Variants in TARS3 observed in about 807,000 individuals in gnomAD.
The protein encoded by TARS3 is threonyl-tRNA synthetase 3.
In TARS3, 94 loss-of-function variants were observed where a neutral mutation model predicts 103.5. That is an observed-to-expected ratio of 0.91 (90% CI 0.77 to 1.08). The LOEUF (loss-of-function observed/expected upper bound fraction) is 1.08, where lower values mean the gene tolerates loss of function less well. TARS3 is among the 50% of genes least tolerant of loss of function. The pLI is 0.00. For missense variants in TARS3, 952 were observed against 995.2 expected, an observed-to-expected ratio of 0.96 and a Z score of 0.58; for synonymous variants, 416 against 355.4, an observed-to-expected ratio of 1.17 and a Z score of -1.92.
intron 16 of TARS3, 88 bp downstream of exon 16, chr15:101,661,624 G>A (rs1205070229): frequency 1.5e-5 from 13 of 838,750 alleles, no homozygotes; most frequent in East Asian, 3.1e-5. Flanking sequence ...TTTAAGAATA[G>A]AAATATTTTT....
At chr15:101,715,566 T>C (rs1183332383) in intron 3 of TARS3, among the ~76,000 whole-genome samples, 2 of 152,224 alleles carry the variant, frequency 1.3e-5, no homozygotes, top group Non-Finnish European at 2.9e-5. Flanking sequence ...TCCAGTGGTT[T>C]TTCTACCTCC....
chr15:101,684,059 CTG>C lies in TARS3; in HGVS notation c.1650+14_1650+15del. ...CAATTTGTGACCACACTGCTTCACT[CTG>C]TGTTATTGTTTACCTGCTCCACTGT... On this transcript the variant is annotated intron_variant, in intron 12 of 18. Coordinates refer to ENST00000335968, the MANE Select transcript of TARS3 (RefSeq NM_152334.3). The C allele has an allele frequency of 5.6e-6, 9 of 1,606,626 alleles. No individual in the cohort carries two copies. Among genetic ancestry groups the C allele is most frequent in the Non-Finnish European group, 7.7e-6 (9 of 1,175,648 alleles).
intron 7 of TARS3, 49 bp from the exon 8 acceptor site, chr15:101,703,986 G>T: frequency 1.5e-6 from 2 of 1,346,468 alleles, no homozygotes; most frequent in Non-Finnish European, 2.1e-6. Flanking sequence ...CAGTGTTCTG[G>T]ACTATTCATT....
chr15:101,716,026 CTT>C (rs11464619), intron 3 of TARS3, among the ~76,000 whole-genome samples: 1 of 147,800 alleles, frequency 6.8e-6, no homozygotes. Flanking sequence ...TGCCTATTTT[CTT>C]TTTTTTTTTG....
Position 101,701,181 on chromosome 15 carries a change from G to C in TARS3, c.1225C>G (p.Gln409Glu), listed in dbSNP as rs371721317. 3.4e-5 allele frequency: 54 copies of C among 1,586,428 alleles called. No homozygotes were observed. In the African/African-American group the frequency reaches 5.7e-4, roughly 17 times the overall value. Reference protein sequence around the residue: ...NRDHRKIGKEQELFFFHDLSP... With the variant: ...NRDHRKIGKEEELFFFHDLSP... ...AAATCGTGGAAAAAGAAAAGTTCTT[G>C]TTCCTAGATTGAAACAAAAATTGCA... The change falls in exon 10 of 19, where the codon CAA (glutamine) becomes GAA (glutamate). Residue 409 changes from glutamine (Q) to glutamate (E), a missense_variant. Physicochemically the swap from Gln to Glu is conservative, Grantham distance 29. This residue lies in a region of TARS3 where 540 missense variants were observed against 631.0 expected (regional missense o/e 0.86). Transcript: ENST00000335968.
At chr15:101,661,169 ATTCTGCACTTT>A (rs1356409932) in intron 16 of TARS3, among the ~76,000 whole-genome samples, 6 of 151,990 alleles carry the variant, frequency 3.9e-5, no homozygotes, top group East Asian at 1.9e-4. Context: ...ACCACTCAAA[ATTCTGCACTTT>A]AGGACACTTC....
chr15:101,702,703 G>A (rs902715470), intron 8 of TARS3, among the ~76,000 whole-genome samples: 1 of 152,212 alleles, frequency 6.6e-6, no homozygotes, highest in African/African-American at 2.4e-5. Flanking sequence ...CCAGGAGGTC[G>A]AGGCTGCAGT....
chr15:101,670,047 A>T (rs1247063208), intron 15 of TARS3, among the ~76,000 whole-genome samples: 1 of 152,272 alleles, frequency 6.6e-6, no homozygotes. Context: ...ATCAGATCTT[A>T]GAACTAGAAA....
chr15:101,671,708 T>C lies in TARS3; in HGVS notation c.1829A>G (p.Lys610Arg). 6.2e-7 allele frequency: 1 copy of C among 1,614,162 alleles called. No homozygotes were observed. Among genetic ancestry groups the C allele is most frequent in the Non-Finnish European group, 8.5e-7 (1 of 1,180,016 alleles). ...NSLMDFGEPW[K>R]MNPGDGAFYG... The stretch of plus-strand genomic sequence containing the variant: ...AAATGCTCCATCTCCTGGGTTCATT[T>C]TCCACGGTTCTCCAAAGTCCATCAA... The change falls in exon 14 of 19, where the codon AAA (lysine) becomes AGA (arginine). Residue 610 changes from lysine to arginine, a missense_variant. Physicochemically the swap from Lys to Arg is conservative, Grantham distance 26 (BLOSUM62 2). This residue lies in a region of TARS3 where 540 missense variants were observed against 631.0 expected (regional missense o/e 0.86). Transcript: ENST00000335968.
chr15:101,657,837 C>G lies in TARS3; in HGVS notation c.2093G>C (p.Arg698Pro), dbSNP rs763895741. 1 of 1,606,748 alleles carries G rather than the reference C, an allele frequency of 6.2e-7. No individual in the cohort carries two copies. Among genetic ancestry groups the G allele is most frequent in the Non-Finnish European group, 8.5e-7 (1 of 1,176,006 alleles). ...GGKWPFWLSP[R>P]QVMVIPVGPT... Reference sequence around the variant, plus strand: ...CCCCACAGGGATGACCATCACCTGACGAGGAGATAGCCAGAAAGGCCTGAA... The same window carrying G: ...CCCCACAGGGATGACCATCACCTGAGGAGGAGATAGCCAGAAAGGCCTGAA... The change falls in exon 17 of 19, where the codon CGT (arginine) becomes CCT (proline). Residue 698 changes from arginine (R) to proline (P), a missense_variant. Coordinates refer to ENST00000335968, the MANE Select transcript of TARS3 (RefSeq NM_152334.3).
rs534397639 is a variant in TARS3, at chr15:101,689,380, A to G, written c.1321-3318T>C. 2.0e-4 allele frequency among the ~76,000 whole-genome samples: 31 copies of G among 152,320 alleles called. No homozygotes were observed. In the East Asian group the frequency reaches 5.4e-3, roughly 27 times the overall value. On this transcript the variant is annotated intron_variant, in intron 10 of 18. Transcript: ENST00000335968. ...TTATTGGTTTAACTGTATTCTCCAAATAAGATATTTTGAAGTCCTAACTCC... is the reference window on the plus strand; with the variant it reads ...TTATTGGTTTAACTGTATTCTCCAAGTAAGATATTTTGAAGTCCTAACTCC...
rs34335030 is a variant in TARS3, at chr15:101,677,984, A to ATTT, written c.1651-2250_1651-2248dup. ...TGGGACTTCTTTTTTTTTGGGGGTC[A>ATTT]TTTTTTTTTTTTTTTTGAGATGGAG... On this transcript the variant is annotated intron_variant, in intron 12 of 18. Transcript: ENST00000335968. Among the ~76,000 whole-genome samples the ATTT allele has an allele frequency of 2.8e-3, 371 of 132,440 alleles. 4 individuals are homozygous for ATTT. Among genetic ancestry groups the ATTT allele is most frequent in the African/African-American group, 9.6e-3 (348 of 36,112 alleles). 86.9% of individuals were successfully genotyped at this position (132,440 alleles called of 152,430 possible).
intron 11 of TARS3, among the ~76,000 whole-genome samples, chr15:101,684,984 T>C (rs947648810): frequency 3.9e-5 from 6 of 152,366 alleles, no homozygotes; most frequent in African/African-American, 4.8e-5. Context: ...AACACTAGCA[T>C]AGCTTCTACC....
chr15:101,707,185 A>G (rs1899611393), intron 6 of TARS3, among the ~76,000 whole-genome samples: 1 of 152,186 alleles, frequency 6.6e-6, no homozygotes, highest in African/African-American at 2.4e-5. Flanking sequence ...AAAAAACAAA[A>G]CAAGTGTTGG....
At chr15:101,696,210 CAAAAAAAAAAAAAAAAAAA>C (rs57512244) in intron 10 of TARS3, among the ~76,000 whole-genome samples, 2 of 81,758 alleles carry the variant, frequency 2.4e-5, no homozygotes, top group South Asian at 4.1e-4. Context: ...GACTTTGTCT[CAAAAAAAAAAAAAAAAAAA>C]AAAAAAAAAA....
In TARS3 at chr15:101,724,449, G is replaced by A. The variant is rs1900675980; in HGVS notation, c.-62C>T. ...CCCGCGACTGCGGCGAGGGCGACGC[G>A]GACACTCAGCGCACGGCAGAAGACA... is the stretch of plus-strand genomic sequence containing the variant. On this transcript the variant is annotated 5_prime_UTR_variant, in exon 1 of 19. Transcript: ENST00000335968. 5.2e-6 allele frequency: 7 copies of A among 1,354,490 alleles called. No individual in the cohort carries two copies. The highest frequency in any genetic ancestry group is 6.6e-6 in the Non-Finnish European group (7 of 1,061,062). 83.9% of individuals were successfully genotyped at this position (1,354,490 alleles called of 1,614,324 possible).
At chr15:101,658,575 G>A (rs928953584) in intron 16 of TARS3, among the ~76,000 whole-genome samples, 1 of 152,114 alleles carries the variant, frequency 6.6e-6, no homozygotes, top group Admixed American at 6.5e-5. Flanking sequence ...TACAAGTGAT[G>A]GACTGTCCTG....
At chr15:101,673,772 G>A (rs541018476) in intron 13 of TARS3, among the ~76,000 whole-genome samples, 4 of 152,260 alleles carry the variant, frequency 2.6e-5, no homozygotes, top group East Asian at 3.9e-4. Flanking sequence ...GGATGGGCAC[G>A]GGTCAGTGGG....
At chr15:101,689,810 T>C (rs750278510) in intron 10 of TARS3, among the ~76,000 whole-genome samples, 7 of 152,198 alleles carry the variant, frequency 4.6e-5, no homozygotes, top group Non-Finnish European at 8.8e-5. Context: ...TATTTTGTTA[T>C]AATACCCTAG....
Sources: allele counts gnomAD v4.1 joint callset (sites outside exome capture counted in the v4.1 genomes callset), GRCh38; gene constraint gnomAD v4.1.1; regional missense constraint gnomAD v4.1.1; transcripts MANE v1.5; gene names NCBI Gene and HGNC (gene_info 2026-07-23, HGNC 2026-07-21).